Variants in EPHA6 observed in about 807,000 individuals in gnomAD.
EPHA6 encodes EPH receptor A6, also known as ephrin type-A receptor 6.
A neutral mutation model predicts 112.0 loss-of-function variants in EPHA6; 50 were observed. The ratio of observed to expected loss-of-function variants is 0.45; its 90% CI spans 0.36 to 0.56. EPHA6 has a LOEUF of 0.56. Ranked by LOEUF, EPHA6 falls within the 20% of genes least tolerant of loss-of-function variation. The pLI is 0.00. For missense variants in EPHA6, 1,280 were observed against 1,417.4 expected (o/e 0.90, Z 1.56); for synonymous variants, 529 against 490.7 (o/e 1.08, Z -1.03).
chr3:96,897,455 G>A (rs540412452), intron 2 of EPHA6, among the ~76,000 whole-genome samples: 2 of 152,286 alleles, frequency 1.3e-5, no homozygotes, highest in Non-Finnish European at 2.9e-5. Flanking sequence ...AAGAAGAGAG[G>A]TTGTTATTGA....
chr3:97,510,082 T>C (rs1403024291), intron 10 of EPHA6, among the ~76,000 whole-genome samples: 1 of 152,212 alleles, frequency 6.6e-6, no homozygotes, highest in Non-Finnish European at 1.5e-5. Context: ...TAGTTAGCAA[T>C]TCCTCTAACC....
At chr3:97,511,226 A>T (rs1577623921) in intron 10 of EPHA6, among the ~76,000 whole-genome samples, 1 of 87,824 alleles carries the variant, frequency 1.1e-5, no homozygotes, top group Admixed American at 1.4e-4. Context: ...CTGGGGTATG[A>T]AAAAAAAAAA....
At chr3:97,389,181 C>T (rs1378209209) in intron 5 of EPHA6, among the ~76,000 whole-genome samples, 1 of 152,120 alleles carries the variant, frequency 6.6e-6, no homozygotes, top group Non-Finnish European at 1.5e-5. Flanking sequence ...AGCAGAAGAA[C>T]ATGATAAGAA....
intron 3 of EPHA6, among the ~76,000 whole-genome samples, chr3:97,221,489 T>C (rs778240955): frequency 7.9e-5 from 12 of 152,024 alleles, no homozygotes; most frequent in African/African-American, 2.9e-4. Context: ...GCTTGTTTCT[T>C]GAAAGCAAGA....
At chr3:97,324,457 C>CTT (rs1486502198) in intron 5 of EPHA6, among the ~76,000 whole-genome samples, 1 of 143,960 alleles carries the variant, frequency 6.9e-6, no homozygotes, top group Non-Finnish European at 1.5e-5. Context: ...TTCTTTCTTT[C>CTT]TTTCTTTCTT....
intron 14 of EPHA6, among the ~76,000 whole-genome samples, chr3:97,667,085 TG>T (rs567753633): frequency 1.5e-3 from 223 of 152,328 alleles, no homozygotes; most frequent in African/African-American, 5.3e-3. Context: ...GTTTCCCTAA[TG>T]GGTTCTTTTG....
chr3:97,121,691 A>C (rs1332822047), intron 3 of EPHA6, among the ~76,000 whole-genome samples: 1 of 152,088 alleles, frequency 6.6e-6, no homozygotes, highest in Non-Finnish European at 1.5e-5. Flanking sequence ...CATCCAGTTA[A>C]CTGCAAGATT....
chr3:97,570,339 C>G (rs528296825), intron 11 of EPHA6, among the ~76,000 whole-genome samples: 2 of 152,278 alleles, frequency 1.3e-5, no homozygotes, highest in East Asian at 3.9e-4. Context: ...GTCAGCAAGT[C>G]TAAGGGCAGA....
At chr3:97,365,609 C>T (rs1215213202) in intron 5 of EPHA6, among the ~76,000 whole-genome samples, 1 of 152,030 alleles carries the variant, frequency 6.6e-6, no homozygotes, top group Non-Finnish European at 1.5e-5. Context: ...AGGATGGTCT[C>T]GATCTCCTGA....
Position 97,626,897 on chromosome 3 carries a change from A to T in EPHA6, c.2575-10976A>T, listed in dbSNP as rs150585626. Reference sequence around the variant, plus strand: ...ATGTTTAAGATTTCTAAAGTGAGGCAGTTTTAGAAATGACAACTTCCAGAT... The same window carrying T: ...ATGTTTAAGATTTCTAAAGTGAGGCTGTTTTAGAAATGACAACTTCCAGAT... On this transcript the variant is annotated intron_variant, in intron 13 of 17. Transcript: ENST00000389672. Among the ~76,000 whole-genome samples, 212 of 151,978 alleles carry T rather than the reference A, an allele frequency of 1.4e-3. 1 individual carries two copies. The highest frequency in any genetic ancestry group is 4.9e-3 in the African/African-American group (205 of 41,526).
intron 6 of EPHA6, among the ~76,000 whole-genome samples, chr3:97,445,064 G>T (rs1401832308): frequency 6.6e-6 from 1 of 151,978 alleles, no homozygotes; most frequent in East Asian, 1.9e-4. Flanking sequence ...ACACTATTTG[G>T]TTCCAAACTA....
At chr3:97,468,140 G>GGA (rs2091115310) in intron 7 of EPHA6, among the ~76,000 whole-genome samples, 1 of 124,082 alleles carries the variant, frequency 8.1e-6, no homozygotes, top group African/African-American at 3.0e-5. Context: ...ATCACTTTCT[G>GGA]AAAAAAAAAA....
intron 5 of EPHA6, among the ~76,000 whole-genome samples, chr3:97,262,175 G>C (rs80222667): frequency 0.077 from 11,711 of 152,168 alleles, 991 homozygotes; most frequent in Admixed American, 0.21. Context: ...ATGGACTACA[G>C]GTGGCTTCTG....
chr3:97,369,270 C>T (rs1443117021), intron 5 of EPHA6, among the ~76,000 whole-genome samples: 2 of 152,130 alleles, frequency 1.3e-5, no homozygotes, highest in Non-Finnish European at 1.5e-5. Context: ...GTTACATTAA[C>T]TCTTTGGAGA....
chr3:97,616,056 T>C (rs1560193992), intron 13 of EPHA6, among the ~76,000 whole-genome samples: 1 of 152,100 alleles, frequency 6.6e-6, no homozygotes, highest in Non-Finnish European at 1.5e-5. Flanking sequence ...TCCAGCCGCC[T>C]TCTACAAGTG....
intron 3 of EPHA6, among the ~76,000 whole-genome samples, chr3:97,194,903 A>G (rs1010440578): frequency 1.3e-5 from 2 of 151,960 alleles, no homozygotes; most frequent in Non-Finnish European, 2.9e-5. Context: ...TTCCATTGGC[A>G]TGGAATATGT....
chr3:97,447,754 A>C, intron 6 of EPHA6: 1 of 1,013,626 alleles, frequency 9.9e-7, no homozygotes, highest in Non-Finnish European at 1.2e-6. Flanking sequence ...ACTTCCATTT[A>C]GTGAAGTGAG....
chr3:96,955,937 TTTG>T (rs377007105), intron 2 of EPHA6, among the ~76,000 whole-genome samples: 2 of 152,202 alleles, frequency 1.3e-5, no homozygotes, highest in African/African-American at 4.8e-5. Flanking sequence ...TGAGAAATCA[TTTG>T]TTGGTAGCTC....
intron 5 of EPHA6, among the ~76,000 whole-genome samples, chr3:97,330,551 T>C (rs1378188262): frequency 6.6e-6 from 1 of 152,088 alleles, no homozygotes; most frequent in Non-Finnish European, 1.5e-5. Context: ...GTAAGTTGGA[T>C]TCCTAGGCAT....
Sources: gnomAD v4.1 joint callset for allele counts (sites outside exome capture counted in the v4.1 genomes callset) on GRCh38, gnomAD v4.1.1 for gene constraint, MANE v1.5 for transcripts, NCBI Gene and HGNC (gene_info 2026-07-23, HGNC 2026-07-21) for gene names.